The following KHDRBS2 variants were observed in gnomAD, a reference collection of about 807,000 sequenced individuals.
KHDRBS2 encodes KH RNA binding domain containing, signal transduction associated 2, also known as KH domain-containing, RNA-binding, signal transduction-associated protein 2.
A neutral mutation model predicts 44.3 loss-of-function variants in KHDRBS2; 26 were observed. The observed-to-expected ratio is 0.59, with a 90% CI of 0.43 to 0.81. The LOEUF is 0.81. Among genes scored for constraint, KHDRBS2 ranks in the 40% least tolerant of loss-of-function variants. The probability of loss-of-function intolerance (pLI) is 0.00; values close to 1 mark genes in which losing one functional copy is unlikely to be tolerated. For missense variants in KHDRBS2, 476 were observed against 433.1 expected (o/e 1.10, Z -0.88); for synonymous variants, 194 against 151.1 (o/e 1.28, Z -2.08).
the KHDRBS2 span, among the ~76,000 whole-genome samples, chr6:61,667,304 T>C: frequency 5.3e-5 from 8 of 151,244 alleles, no homozygotes; most frequent in East Asian, 1.4e-3. Flanking sequence ...TCTGATATTT[T>C]AAACATAAAT....
chr6:61,901,474 T>C (rs1487713987), intron 4 of KHDRBS2, 103 bp from the exon 5 acceptor site: 42 of 933,202 alleles, frequency 4.5e-5, no homozygotes, highest in Non-Finnish European at 6.5e-5. Context: ...GGAAATAATT[T>C]TTTTCATTTG....
At chr6:61,662,576 A>C in the KHDRBS2 span, among the ~76,000 whole-genome samples, 1 of 152,172 alleles carries the variant, frequency 6.6e-6, no homozygotes. Flanking sequence ...AACCCCATCA[A>C]CAAGTGGGTG....
intron 3 of KHDRBS2, among the ~76,000 whole-genome samples, chr6:61,983,714 C>T (rs535688326): frequency 6.6e-6 from 1 of 152,208 alleles, no homozygotes; most frequent in Non-Finnish European, 1.5e-5. Context: ...TATTGCTTCA[C>T]TTAGGTTATA....
At position 61,962,378 on chromosome 6, in the gene KHDRBS2, C is replaced by T. The variant is rs552715711; in HGVS notation, c.483+15688G>A. Among the ~76,000 whole-genome samples the T allele has an allele frequency of 1.1e-3, 171 of 152,216 alleles. 1 individual carries two copies. The highest frequency in any genetic ancestry group is 1.4e-3 in the Non-Finnish European group (93 of 68,010). ...CTCAAAAACTTGCTGCTCTAACACA[C>T]GAACAAAATAGTATGTGTGGCCTGT... On this transcript the variant is annotated intron_variant, in intron 4 of 8. Transcript: ENST00000281156.
intron 7 of KHDRBS2, among the ~76,000 whole-genome samples, chr6:61,720,701 G>A (rs1401272534): frequency 2.0e-5 from 3 of 152,122 alleles, no homozygotes; most frequent in Non-Finnish European, 4.4e-5. Flanking sequence ...CGAGTAGGTT[G>A]CGAAAATTTT....
intron 1 of KHDRBS2, among the ~76,000 whole-genome samples, chr6:62,189,230 T>C (rs1201515188): frequency 6.6e-6 from 1 of 152,126 alleles, no homozygotes; most frequent in Non-Finnish European, 1.5e-5. Flanking sequence ...AGGTCCATGT[T>C]GTGAGGAACT....
intron 1 of KHDRBS2, among the ~76,000 whole-genome samples, chr6:62,190,275 G>A (rs567326309): frequency 9.2e-5 from 14 of 152,228 alleles, no homozygotes; most frequent in Admixed American, 8.5e-4. Context: ...GGTGAAAGAT[G>A]CTGCGTATCT....
chr6:62,171,189 G>C (rs922028826), intron 2 of KHDRBS2, among the ~76,000 whole-genome samples: 2 of 152,074 alleles, frequency 1.3e-5, no homozygotes, highest in Non-Finnish European at 2.9e-5. Context: ...AGAGATTCAG[G>C]AGAAAGTCAA....
chr6:61,873,919 A>T (rs1799025681), intron 6 of KHDRBS2, among the ~76,000 whole-genome samples: 1 of 152,046 alleles, frequency 6.6e-6, no homozygotes, highest in South Asian at 2.1e-4. Context: ...AATGGGGGAT[A>T]TGATTAGACA....
the KHDRBS2 span, among the ~76,000 whole-genome samples, chr6:61,672,970 A>G: frequency 6.6e-6 from 1 of 151,846 alleles, no homozygotes; most frequent in Non-Finnish European, 1.5e-5. Flanking sequence ...TAGGGTTTTT[A>G]TGGTTTTAGG....
intron 4 of KHDRBS2, among the ~76,000 whole-genome samples, chr6:61,953,586 T>A (rs1765231929): frequency 6.6e-6 from 1 of 152,138 alleles, no homozygotes; most frequent in South Asian, 2.1e-4. Context: ...AGCAGGCTAC[T>A]AGAACAATTA....
At chr6:62,164,819 GC>G (rs1386932298) in intron 2 of KHDRBS2, among the ~76,000 whole-genome samples, 1 of 151,822 alleles carries the variant, frequency 6.6e-6, no homozygotes, top group Non-Finnish European at 1.5e-5. Flanking sequence ...TTTTCCGCAT[GC>G]CCTAAAATCA....
In KHDRBS2 at chr6:62,022,320, A is replaced by G. The variant is rs551588059; in HGVS notation, c.336+25558T>C. ...GAAGTAAAAATGTTTAGCCAATTGCATTGGGAATTTATCATATCATGAAGC... is the reference window on the plus strand; with the variant it reads ...GAAGTAAAAATGTTTAGCCAATTGCGTTGGGAATTTATCATATCATGAAGC... On this transcript the variant is annotated intron_variant, in intron 3 of 8. Transcript: ENST00000281156. Among the ~76,000 whole-genome samples, 13 of 151,870 alleles carry G rather than the reference A, an allele frequency of 8.6e-5. No individual in the cohort carries two copies. The South Asian group carries it at 2.7e-3, about 31-fold the overall frequency.
At chr6:62,190,231 A>T (rs2150130954) in intron 1 of KHDRBS2, among the ~76,000 whole-genome samples, 1 of 152,270 alleles carries the variant, frequency 6.6e-6, no homozygotes, top group Middle Eastern at 3.4e-3. Context: ...GTATAGTTAA[A>T]TGGAAGCTGA....
At chr6:61,877,432 G>GT (rs140590888) in intron 6 of KHDRBS2, among the ~76,000 whole-genome samples, 60 of 147,816 alleles carry the variant, frequency 4.1e-4, no homozygotes, top group South Asian at 1.5e-3. Flanking sequence ...TAATCAGAAA[G>GT]TTTTTTTTTT....
the KHDRBS2 span, among the ~76,000 whole-genome samples, chr6:61,595,146 A>T: frequency 6.6e-6 from 1 of 152,158 alleles, no homozygotes; most frequent in African/African-American, 2.4e-5. Context: ...ATCAAACTCT[A>T]GTTTTTCATT....
At chr6:61,584,088 C>G in the KHDRBS2 span, among the ~76,000 whole-genome samples, 1 of 151,544 alleles carries the variant, frequency 6.6e-6, no homozygotes, top group Non-Finnish European at 1.5e-5. Flanking sequence ...TAGTTATTAG[C>G]TTTAGTACTT....
chr6:61,812,362 T>A (rs1483705322), intron 6 of KHDRBS2, among the ~76,000 whole-genome samples: 1 of 152,082 alleles, frequency 6.6e-6, no homozygotes, highest in Non-Finnish European at 1.5e-5. Flanking sequence ...AGGTGCTCAA[T>A]AAATGTGTGA....
At chr6:62,217,147 T>A (rs1465387532) in intron 1 of KHDRBS2, among the ~76,000 whole-genome samples, 1 of 151,700 alleles carries the variant, frequency 6.6e-6, no homozygotes. Context: ...GAATAATGCA[T>A]GTGCTTAATG....
Sources: gnomAD v4.1 joint callset for allele counts (sites outside exome capture counted in the v4.1 genomes callset) on GRCh38, gnomAD v4.1.1 for gene constraint, MANE v1.5 for transcripts, NCBI Gene and HGNC (gene_info 2026-07-23, HGNC 2026-07-21) for gene names.